PTER: variants seen among roughly 807,000 people sequenced by gnomAD.
PTER encodes the protein phosphotriesterase related.
Under a neutral mutation model 29.6 loss-of-function variants are expected in PTER, and 38 were observed. The observed-to-expected ratio is 1.28, with a 90% confidence interval of 0.99 to 1.68. The LOEUF (loss-of-function observed/expected upper bound fraction) is 1.68. Ranked by LOEUF, PTER falls within the 40% of genes most tolerant of loss-of-function variation. PTER has a pLI of 0.00. For synonymous variants in PTER, 172 were observed against 154.5 expected (o/e 1.11, Z -0.84); for missense variants, 482 against 427.8 (o/e 1.13, Z -1.12).
intron 1 of PTER, among the ~76,000 whole-genome samples, chr10:16,438,336 A>C (rs1833726699): frequency 7.3e-6 from 1 of 137,716 alleles, no homozygotes; most frequent in Non-Finnish European, 1.6e-5. Context: ...TCATTATTTC[A>C]CCAAAGCTGG....
At chr10:16,475,574 A>G (rs1835229722) in intron 1 of PTER, among the ~76,000 whole-genome samples, 1 of 152,176 alleles carries the variant, frequency 6.6e-6, no homozygotes, top group African/African-American at 2.4e-5. Flanking sequence ...CTGTTGGTTA[A>G]AGTGATTCAC....
intron 3 of PTER, among the ~76,000 whole-genome samples, chr10:16,490,695 A>T (rs1407929009): frequency 6.7e-6 from 1 of 149,954 alleles, no homozygotes; most frequent in Non-Finnish European, 1.5e-5. Context: ...TTTTCTGTGA[A>T]CATCTAGTCT....
At chr10:16,466,755 G>C (rs904460867) in intron 1 of PTER, among the ~76,000 whole-genome samples, 7 of 152,172 alleles carry the variant, frequency 4.6e-5, no homozygotes, top group Admixed American at 3.9e-4. Context: ...GGGGAGACTT[G>C]TGTGGGAAAT....
At chr10:16,499,303 CT>C (rs1284427357) in intron 3 of PTER, among the ~76,000 whole-genome samples, 4 of 152,144 alleles carry the variant, frequency 2.6e-5, no homozygotes, top group Admixed American at 1.3e-4. Context: ...ATTTTCAGGA[CT>C]TTCCTTTGAA....
At chr10:16,517,807 C>T (rs1836977217), downstream of PTER, among the ~76,000 whole-genome samples, 1 of 152,168 alleles carries the variant, frequency 6.6e-6, no homozygotes, top group Non-Finnish European at 1.5e-5. Flanking sequence ...TTAATTGCTA[C>T]TGATGTTCTC....
intron 3 of PTER, among the ~76,000 whole-genome samples, chr10:16,490,287 G>A (rs1835850909): frequency 6.6e-6 from 1 of 152,108 alleles, no homozygotes; most frequent in South Asian, 2.1e-4. Flanking sequence ...AATGTGTATT[G>A]CATTCACGCC....
downstream of PTER, chr10:16,513,984 G>T: frequency 4.2e-6 from 1 of 236,048 alleles, no homozygotes; most frequent in Non-Finnish European, 8.1e-6. Flanking sequence ...GCTTGAAGTT[G>T]AATCATTCCC....
At position 16,438,501 on chromosome 10, in the gene PTER, GT is replaced by G. The variant is rs1222050453; in HGVS notation, c.-49+1458del. On this transcript the variant is annotated intron_variant, in intron 1 of 4. Coordinates refer to ENST00000535784, the MANE Select transcript of PTER (RefSeq NM_001261836.2). ...TTTTTGTATTTTTGGTAGAGACGGGGTTTTGCCATTTTGTCCAGGTTGGTGT... is the reference window on the plus strand; with the variant it reads ...TTTTTGTATTTTTGGTAGAGACGGGGTTTGCCATTTTGTCCAGGTTGGTGT... Among the ~76,000 whole-genome samples the G allele has an allele frequency of 8.0e-5, 12 of 150,216 alleles. No individual in the cohort carries two copies. The South Asian group carries it at 1.0e-3, about 13-fold the overall frequency.
chr10:16,463,704 C>G (rs1356967017), intron 1 of PTER, among the ~76,000 whole-genome samples: 1 of 152,348 alleles, frequency 6.6e-6, no homozygotes, highest in East Asian at 1.9e-4. Flanking sequence ...GCGTGAGCCA[C>G]CATGCCCGGC....
intron 1 of PTER, among the ~76,000 whole-genome samples, chr10:16,473,945 C>T (rs1261970803): frequency 2.0e-5 from 3 of 152,192 alleles, no homozygotes; most frequent in African/African-American, 7.2e-5. Flanking sequence ...TGGCCGGGCA[C>T]CGTGGCTCAG....
At chr10:16,508,358 G>A (rs1024240736) in intron 4 of PTER, among the ~76,000 whole-genome samples, 6 of 152,010 alleles carry the variant, frequency 3.9e-5, no homozygotes, top group South Asian at 4.1e-4. Flanking sequence ...GTGAGCCACC[G>A]CGCCCGGCCT....
intron 3 of PTER, among the ~76,000 whole-genome samples, chr10:16,495,034 C>G (rs560403471): frequency 7.7e-4 from 117 of 151,796 alleles, no homozygotes; most frequent in African/African-American, 2.6e-3. Context: ...ATAATTCTAG[C>G]TGAGTTTAGT....
chr10:16,469,554 T>G (rs1333908729), intron 1 of PTER, among the ~76,000 whole-genome samples: 1 of 152,126 alleles, frequency 6.6e-6, no homozygotes, highest in African/African-American at 2.4e-5. Context: ...ATTTACGGGA[T>G]TTAGAAACTG....
chr10:16,463,178 C>T (rs569786698), intron 1 of PTER, among the ~76,000 whole-genome samples: 22 of 130,334 alleles, frequency 1.7e-4, no homozygotes, highest in South Asian at 5.3e-4. Flanking sequence ...CCAGCCTGGG[C>T]GACAGAGCGA....
At chr10:16,463,028 C>T (rs905163123) in intron 1 of PTER, among the ~76,000 whole-genome samples, 1 of 151,596 alleles carries the variant, frequency 6.6e-6, no homozygotes, top group African/African-American at 2.4e-5. Flanking sequence ...CCCGTCTGTA[C>T]TAAAAATACA....
chr10:16,489,213 T>G (rs1304186288), intron 3 of PTER, among the ~76,000 whole-genome samples: 1 of 152,204 alleles, frequency 6.6e-6, no homozygotes, highest in Non-Finnish European at 1.5e-5. Context: ...GCCAATATAT[T>G]TGGTTTATAA....
downstream of PTER, among the ~76,000 whole-genome samples, chr10:16,516,336 G>T (rs1344799446): frequency 1.3e-5 from 2 of 152,112 alleles, no homozygotes; most frequent in African/African-American, 4.8e-5. Context: ...TCATGAGTTT[G>T]TAGGAGTTGA....
intron 3 of PTER, among the ~76,000 whole-genome samples, chr10:16,493,533 A>G (rs1420911838): frequency 6.6e-6 from 1 of 152,094 alleles, no homozygotes; most frequent in Non-Finnish European, 1.5e-5. Context: ...GCCTCCCAAA[A>G]TGCTGGGGTT....
intron 1 of PTER, among the ~76,000 whole-genome samples, chr10:16,453,654 C>A (rs1206043988): frequency 2.0e-5 from 3 of 152,122 alleles, no homozygotes; most frequent in African/African-American, 7.2e-5. Context: ...AAAGTAAATA[C>A]TGGAATATGG....
Sources: gnomAD v4.1 joint callset for allele counts (sites outside exome capture counted in the v4.1 genomes callset) on GRCh38, gnomAD v4.1.1 for gene constraint, MANE v1.5 for transcripts, NCBI Gene and HGNC (gene_info 2026-07-23, HGNC 2026-07-21) for gene names.